The following EYA4 variants were observed in gnomAD, a reference collection of about 807,000 sequenced individuals.
EYA4 encodes EYA transcriptional coactivator and phosphatase 4, also known as protein phosphatase EYA4.
Under a neutral mutation model 87.9 loss-of-function variants are expected in EYA4, and 31 were observed. The observed-to-expected ratio is 0.35, with a 90% CI of 0.27 to 0.48. The LOEUF (loss-of-function observed/expected upper bound fraction) is 0.48. Among genes scored for constraint, EYA4 ranks in the 20% least tolerant of loss-of-function variants. EYA4 has a pLI of 0.99. For missense variants in EYA4, 678 were observed against 761.4 expected, an observed-to-expected ratio of 0.89 and a Z score of 1.29; for synonymous variants, 263 against 270.6, an observed-to-expected ratio of 0.97 and a Z score of 0.28.
At chr6:133,435,978 T>C (rs1023292097) in intron 3 of EYA4, among the ~76,000 whole-genome samples, 1 of 152,078 alleles carries the variant, frequency 6.6e-6, no homozygotes, top group African/African-American at 2.4e-5. Context: ...CCAAGCACTT[T>C]GGGAGGCTGA....
intron 1 of EYA4, among the ~76,000 whole-genome samples, chr6:133,253,086 C>T (rs143346813): frequency 3.7e-4 from 56 of 151,944 alleles, no homozygotes; most frequent in Non-Finnish European, 6.2e-4. Flanking sequence ...CTGTGTTTGA[C>T]CAAAATATTT....
At chr6:133,438,387 G>C (rs1791911797) in intron 3 of EYA4, among the ~76,000 whole-genome samples, 1 of 148,056 alleles carries the variant, frequency 6.8e-6, no homozygotes, top group Admixed American at 6.8e-5. Context: ...TTCCTGACCG[G>C]TGTTCCTTCT....
chr6:133,375,577 T>C lies in EYA4; in HGVS notation c.34-6815T>C, dbSNP rs531493188. ...TTAATTCATATGTATTAAATGCTGCTAACTAGAAACCAGGATAATCTAGGG... is the reference window on the plus strand; with the variant it reads ...TTAATTCATATGTATTAAATGCTGCCAACTAGAAACCAGGATAATCTAGGG... On this transcript the variant is annotated intron_variant, in intron 2 of 19. Transcript: ENST00000355286. Among the ~76,000 whole-genome samples the C allele has an allele frequency of 3.9e-5, 6 of 151,992 alleles. No homozygotes were observed. The East Asian group carries it at 1.2e-3, about 29-fold the overall frequency.
At chr6:133,417,539 G>T (rs1377306641) in intron 3 of EYA4, among the ~76,000 whole-genome samples, 1 of 152,100 alleles carries the variant, frequency 6.6e-6, no homozygotes, top group African/African-American at 2.4e-5. Flanking sequence ...GATGAGTTAG[G>T]TAATGCAGAG....
intron 2 of EYA4, among the ~76,000 whole-genome samples, chr6:133,361,187 T>A (rs1784422954): frequency 6.6e-6 from 1 of 152,224 alleles, no homozygotes; most frequent in African/African-American, 2.4e-5. Flanking sequence ...TTTTCAAGGA[T>A]GTTTGTGAAC....
intron 5 of EYA4, among the ~76,000 whole-genome samples, chr6:133,455,776 T>G (rs1180371900): frequency 9.9e-5 from 15 of 152,240 alleles, no homozygotes; most frequent in Non-Finnish European, 7.4e-5. Context: ...AAAGGGAAAA[T>G]ATGGTGTGAC....
At chr6:133,494,213 A>G (rs764021190) in intron 13 of EYA4, among the ~76,000 whole-genome samples, 11 of 152,254 alleles carry the variant, frequency 7.2e-5, no homozygotes, top group Non-Finnish European at 1.6e-4. Flanking sequence ...AAAATGTGGT[A>G]CATTACACAG....
chr6:133,489,697 T>C (rs927069376), intron 13 of EYA4, among the ~76,000 whole-genome samples: 3 of 152,158 alleles, frequency 2.0e-5, no homozygotes, highest in Admixed American at 6.5e-5. Flanking sequence ...AGAAATACTT[T>C]CCCAGACAAA....
At position 133,359,902 on chromosome 6, in the gene EYA4, C is replaced by T. The variant is rs371332065; in HGVS notation, c.34-22490C>T. ...AACCTAAGGCCTAAATCATGCTTCCCCTTCTTTACCCAAGCTGAACTTAAC... is the reference window on the plus strand; with the variant it reads ...AACCTAAGGCCTAAATCATGCTTCCTCTTCTTTACCCAAGCTGAACTTAAC... On this transcript the variant is annotated intron_variant, in intron 2 of 19. Coordinates refer to ENST00000355286, the MANE Select transcript of EYA4 (RefSeq NM_004100.5). Among the ~76,000 whole-genome samples the T allele has an allele frequency of 5.3e-5, 8 of 152,274 alleles. 1 individual carries two copies. Among genetic ancestry groups the T allele is most frequent in the East Asian group, 3.9e-4 (2 of 5,170 alleles).
intron 2 of EYA4, among the ~76,000 whole-genome samples, chr6:133,301,576 C>G (rs1334752712): frequency 6.6e-6 from 1 of 152,186 alleles, no homozygotes; most frequent in Non-Finnish European, 1.5e-5. Context: ...GTTAAGTATT[C>G]TACATGTGTT....
intron 14 of EYA4, among the ~76,000 whole-genome samples, chr6:133,509,252 G>A (rs1268549799): frequency 6.6e-6 from 1 of 151,990 alleles, no homozygotes; most frequent in Non-Finnish European, 1.5e-5. Flanking sequence ...ACCTCTTACA[G>A]CCAAAAATTG....
At chr6:133,384,101 T>C (rs914830293) in intron 3 of EYA4, among the ~76,000 whole-genome samples, 11 of 152,182 alleles carry the variant, frequency 7.2e-5, no homozygotes, top group African/African-American at 2.7e-4. Flanking sequence ...TACTCAGGAT[T>C]TTTGGGCAGA....
chr6:133,481,386 A>T, intron 11 of EYA4, 77 bp from the exon 12 acceptor site: 1 of 1,380,116 alleles, frequency 7.2e-7, no homozygotes, highest in South Asian at 1.2e-5. Context: ...GGAATTTGTT[A>T]AGATAATTAA....
Position 133,531,026 on chromosome 6 carries a change from A to G in EYA4, c.*2221A>G. 3 of 1,377,674 alleles carry G rather than the reference A, an allele frequency of 2.2e-6. No homozygotes were observed. Among genetic ancestry groups the G allele is most frequent in the Non-Finnish European group, 2.8e-6 (3 of 1,068,578 alleles). 85.3% of individuals were successfully genotyped at this position (1,377,674 alleles called of 1,614,324 possible). The stretch of plus-strand genomic sequence containing the variant: ...GTATAGCTGGTTTCTTTAAATGTTG[A>G]TAGAATTGTGGCATTACATCTAAAT... On this transcript the variant is annotated 3_prime_UTR_variant, in exon 20 of 20. Transcript: ENST00000355286.
At chr6:133,315,159 G>A (rs911591517) in intron 2 of EYA4, among the ~76,000 whole-genome samples, 1 of 152,090 alleles carries the variant, frequency 6.6e-6, no homozygotes, top group African/African-American at 2.4e-5. Context: ...TTACTGAAGC[G>A]GCTCAGAATT....
chr6:133,364,738 C>G (rs1218519293), intron 2 of EYA4, among the ~76,000 whole-genome samples: 1 of 152,140 alleles, frequency 6.6e-6, no homozygotes, highest in Admixed American at 6.5e-5. Context: ...GGCTGATAGT[C>G]AAAGTATTTG....
intron 2 of EYA4, among the ~76,000 whole-genome samples, chr6:133,305,578 G>A (rs1212968500): frequency 2.0e-5 from 3 of 152,112 alleles, no homozygotes; most frequent in African/African-American, 7.2e-5. Context: ...TTTAATCTTT[G>A]AGTTTCACTT....
intron 3 of EYA4, among the ~76,000 whole-genome samples, chr6:133,398,804 A>G (rs1788017081): frequency 6.6e-6 from 1 of 152,180 alleles, no homozygotes; most frequent in Non-Finnish European, 1.5e-5. Flanking sequence ...TTTGAAAAAA[A>G]ATTGCCAACA....
chr6:133,391,637 T>A (rs142981862), intron 3 of EYA4, among the ~76,000 whole-genome samples: 1 of 152,288 alleles, frequency 6.6e-6, no homozygotes, highest in African/African-American at 2.4e-5. Context: ...TAGATTCCTC[T>A]CTTTTTCATT....
Sources: allele counts gnomAD v4.1 joint callset (sites outside exome capture counted in the v4.1 genomes callset), GRCh38; gene constraint gnomAD v4.1.1; transcripts MANE v1.5; gene names NCBI Gene and HGNC (gene_info 2026-07-23, HGNC 2026-07-21).